Variants in PDIA4 observed in about 807,000 individuals in gnomAD.
The protein encoded by PDIA4 is protein disulfide isomerase family A member 4.
PDIA4 carries 33 observed loss-of-function variants against 62.1 expected under a neutral mutation model. That is an observed-to-expected ratio of 0.53 (90% CI 0.40 to 0.71). The LOEUF (loss-of-function observed/expected upper bound fraction) is 0.71, where lower values mean the gene tolerates loss of function less well. PDIA4 is among the 30% of genes least tolerant of loss of function. The pLI, the probability that PDIA4 is intolerant of heterozygous loss-of-function variation, is 0.00. For synonymous variants in PDIA4, 341 were observed against 324.1 expected (o/e 1.05, Z -0.56); for missense variants, 804 against 813.6 (o/e 0.99, Z 0.14).
At chr7:149,021,340 T>C (rs1824345182) in intron 1 of PDIA4, among the ~76,000 whole-genome samples, 193 bp from the exon 2 acceptor site, 1 of 151,706 alleles carries the variant, frequency 6.6e-6, no homozygotes, top group Non-Finnish European at 1.5e-5. Context: ...AATACAAAAA[T>C]TAGCCGGGCA....
chr7:149,003,812 C>A lies in PDIA4; in HGVS notation c.1920G>T (p.Arg640Ser). ...CAGGCCTTCAAAGCTCTTCCTTGGTCCTGCTCAGTTTTGTGGCATGTTCTT... is the reference window on the plus strand; with the variant it reads ...CAGGCCTTCAAAGCTCTTCCTTGGTACTGCTCAGTTTTGTGGCATGTTCTT... ...FIEEHATKLS[R>S]TKEEL Residue 640 changes from arginine to serine, a missense_variant, in exon 10 of 10, where the codon AGG becomes AGT. Coordinates refer to ENST00000652332, the MANE Select transcript of PDIA4 (RefSeq NM_004911.5). 2 of 1,566,464 alleles carry A rather than the reference C, an allele frequency of 1.3e-6. No individual in the cohort carries two copies. Among genetic ancestry groups the A allele is most frequent in the South Asian group, 1.2e-5 (1 of 81,736 alleles).
intron 2 of PDIA4, 127 bp from the exon 3 acceptor site, chr7:149,019,324 A>G (rs1272600247): frequency 1.4e-6 from 1 of 702,046 alleles, no homozygotes; most frequent in Non-Finnish European, 2.5e-6. Context: ...TCTGATCCCC[A>G]GTGTGGCAGT....
At position 149,011,830 on chromosome 7, in the gene PDIA4, G is replaced by A; in HGVS notation, c.979+16C>T. ...AGGCACGCACATTTTGTTCAGCCCA[G>A]AGGGCCACAACTCACCGGCATCCTG... is the stretch of plus-strand genomic sequence containing the variant. On this transcript the variant is annotated intron_variant, in intron 6 of 9. Coordinates refer to ENST00000652332, the MANE Select transcript of PDIA4 (RefSeq NM_004911.5). The A allele has an allele frequency of 6.5e-7, 1 of 1,544,622 alleles. No individual in the cohort carries two copies. The highest frequency in any genetic ancestry group is 2.3e-5 in the East Asian group (1 of 44,260).
intron 1 of PDIA4, among the ~76,000 whole-genome samples, chr7:149,025,877 G>A (rs1824533037): frequency 6.6e-6 from 1 of 152,114 alleles, no homozygotes; most frequent in African/African-American, 2.4e-5. Flanking sequence ...CATAAAAGCA[G>A]GCAACAAACA....
Position 149,019,113 on chromosome 7 carries a change from G to A in PDIA4, c.354C>T (p.Ala118=), listed in dbSNP as rs1334088076. Residue 118 remains alanine, a synonymous_variant, in exon 3 of 10, where the codon GCC becomes GCT. Coordinates refer to ENST00000652332, the MANE Select transcript of PDIA4 (RefSeq NM_004911.5). The stretch of plus-strand genomic sequence containing the variant: ...CAGACGCTGAGGTTGCATCGATCTT[G>A]GCAACAGGAATGGGAGGATCTTTAT... ...LKDKDPPIPV[A]KIDATSASVL... is the part of the protein sequence containing the mutation. 4.3e-6 allele frequency: 7 copies of A among 1,613,500 alleles called. No individual in the cohort carries two copies. In the African/African-American group the frequency reaches 8.0e-5, roughly 18 times the overall value.
chr7:149,021,139 T>A lies in PDIA4; in HGVS notation c.97A>T (p.Asn33Tyr). ...GAEGPDEDSS[N>Y]RENAIEDEEE... is the part of the protein sequence containing the mutation. The stretch of plus-strand genomic sequence containing the variant: ...TCATCCTCAATGGCATTTTCTCTGT[T>A]AGAAGAATCTGAGTGGAAAACACCC... Residue 33 changes from asparagine to tyrosine, a missense_variant, in exon 2 of 10, where the codon AAC becomes TAC. Asn to Tyr is a moderately radical substitution (Grantham distance 143). Transcript: ENST00000652332. 6.3e-7 allele frequency: 1 copy of A among 1,585,660 alleles called. No individual in the cohort carries two copies. Among genetic ancestry groups the A allele is most frequent in the Non-Finnish European group, 8.6e-7 (1 of 1,165,056 alleles).
rs749286336 is a variant in PDIA4 at position 149,008,165 on chromosome 7, G to A, written c.1125C>T (p.Asp375=). 10 of 1,613,396 alleles carry A rather than the reference G, an allele frequency of 6.2e-6. No homozygotes were observed. Among genetic ancestry groups the A allele is most frequent in the Middle Eastern group, 1.6e-4 (1 of 6,076 alleles). ...GGCAGAGGGGCCCGCTTACCTGGACGTCCATCATGTGGCTCCGGGGCTCAT... is the reference window on the plus strand; with the variant it reads ...GGCAGAGGGGCCCGCTTACCTGGACATCCATCATGTGGCTCCGGGGCTCAT... ...SKYEPRSHMM[D]VQGSTQDSAI... is the part of the protein sequence containing the mutation. The change falls in exon 7 of 10, where the codon GAC becomes GAT. Residue 375 remains aspartate, a synonymous_variant. Coordinates refer to ENST00000652332, the MANE Select transcript of PDIA4 (RefSeq NM_004911.5).
intron 1 of PDIA4, chr7:149,027,742 G>A (rs1824607058): frequency 4.8e-6 from 2 of 415,106 alleles, no homozygotes; most frequent in East Asian, 7.1e-5. Context: ...CTGGCACACA[G>A]TAAATGCTAA....
rs138974987 is a variant in PDIA4 at position 149,011,949 on chromosome 7, G to C, written c.876C>G (p.Thr292=). Residue 292 remains threonine (T), a synonymous_variant, in exon 6 of 10, where the codon ACC becomes ACG. Transcript: ENST00000652332. ...QSGPPSKEIL[T]LKQVQEFLKD... Reference sequence around the variant, plus strand: ...TCAGGAACTCCTGGACCTGCTTCAGGGTCAGAATCTCCTTGGAGGGAGGCC... The same window carrying C: ...TCAGGAACTCCTGGACCTGCTTCAGCGTCAGAATCTCCTTGGAGGGAGGCC... 1.2e-6 allele frequency: 2 copies of C among 1,609,840 alleles called. No homozygotes were observed. Among genetic ancestry groups the C allele is most frequent in the African/African-American group, 2.7e-5 (2 of 74,766 alleles).
chr7:149,016,937 A>G (rs1294989913), intron 3 of PDIA4, among the ~76,000 whole-genome samples: 1 of 152,212 alleles, frequency 6.6e-6, no homozygotes, highest in Non-Finnish European at 1.5e-5. Flanking sequence ...GTGACACTAA[A>G]TATCAACGGA....
At chr7:149,017,201 G>C (rs570045977) in intron 3 of PDIA4, among the ~76,000 whole-genome samples, 2 of 151,392 alleles carry the variant, frequency 1.3e-5, no homozygotes, top group African/African-American at 4.9e-5. Context: ...AAATGCAGCC[G>C]CATCTTTTTT....
chr7:149,012,014 G>C lies in PDIA4; in HGVS notation c.821-10C>G. 5 of 1,592,514 alleles carry C rather than the reference G, an allele frequency of 3.1e-6. No individual in the cohort carries two copies. Among genetic ancestry groups the C allele is most frequent in the Non-Finnish European group, 3.4e-6 (4 of 1,167,792 alleles). On this transcript the variant is annotated splice_polypyrimidine_tract_variant and intron_variant, in intron 5 of 9. Coordinates refer to ENST00000652332, the MANE Select transcript of PDIA4 (RefSeq NM_004911.5). ...ATGTAATCAACGATTCCTGGGAGCA[G>C]GGCACACGCCTGAGCAGGGGCACTA...
chr7:149,020,971 G>T lies in PDIA4; in HGVS notation c.265C>A (p.Pro89Thr). The T allele has an allele frequency of 6.2e-7, 1 of 1,614,018 alleles. No individual in the cohort carries two copies. Among genetic ancestry groups the T allele is most frequent in the Middle Eastern group, 1.7e-4 (1 of 6,060 alleles). ...KDTVLLEFYA[P>T]WCGHCKQFAP... The stretch of plus-strand genomic sequence containing the variant: ...AAATTAGAACGCGGTCCTTACCATG[G>T]AGCATAAAACTCCAGCAGCACTGTG... The change falls in exon 2 of 10, where the codon CCA becomes ACA. Residue 89 changes from proline (P) to threonine (T), a missense_variant. Pro to Thr is a conservative substitution (Grantham distance 38, BLOSUM62 -1). Transcript: ENST00000652332.
intron 4 of PDIA4, among the ~76,000 whole-genome samples, chr7:149,013,780 T>C (rs1218948879): frequency 2.0e-5 from 3 of 152,158 alleles, no homozygotes; most frequent in Admixed American, 2.0e-4. Context: ...GATAATTATC[T>C]TCTGAGGCAT....
intron 8 of PDIA4, 44 bp downstream of exon 8, chr7:149,005,853 C>A: frequency 7.0e-7 from 1 of 1,420,636 alleles, no homozygotes; most frequent in Non-Finnish European, 9.2e-7. Flanking sequence ...AAGAACGAGT[C>A]CCCCCACCCC....
chr7:149,003,652 G>GA lies in PDIA4; in HGVS notation c.*141dup. Reference sequence around the variant, plus strand: ...TTATTCAGTATTCAGAGCATGAAGTGAAACACCAAAGTATAAAAAATTAAA... The same window carrying GA: ...TTATTCAGTATTCAGAGCATGAAGTGAAAACACCAAAGTATAAAAAATTAAA... On this transcript the variant is annotated 3_prime_UTR_variant, in exon 10 of 10. Transcript: ENST00000652332. The GA allele has an allele frequency of 1.8e-6, 1 of 560,050 alleles. No individual in the cohort carries two copies. Among genetic ancestry groups the GA allele is most frequent in the East Asian group, 3.1e-5 (1 of 32,008 alleles). The allele number at this position is 560,050 out of a possible 1,614,324, so 34.7% of individuals were successfully genotyped here. A position where few individuals can be genotyped will look rare whatever the true frequency, so the allele number is the denominator to read the frequency against.
chr7:149,019,826 T>A (rs1380975262), intron 2 of PDIA4, among the ~76,000 whole-genome samples: 2 of 152,202 alleles, frequency 1.3e-5, no homozygotes, highest in Non-Finnish European at 2.9e-5. Flanking sequence ...AATTTTTTTT[T>A]AATTTCTCAG....
At chr7:149,007,143 G>C (rs1411453085) in intron 7 of PDIA4, among the ~76,000 whole-genome samples, 1 of 152,102 alleles carries the variant, frequency 6.6e-6, no homozygotes, top group Non-Finnish European at 1.5e-5. Flanking sequence ...TGAGCTTCAA[G>C]TTGGCAGAGA....
chr7:149,027,633 A>T (rs536568056), intron 1 of PDIA4, among the ~76,000 whole-genome samples: 1 of 151,340 alleles, frequency 6.6e-6, no homozygotes, highest in South Asian at 2.1e-4. Flanking sequence ...AGAAAAATGC[A>T]GGGACCATGA....
Sources: allele counts gnomAD v4.1 joint callset (sites outside exome capture counted in the v4.1 genomes callset), GRCh38; gene constraint gnomAD v4.1.1; transcripts MANE v1.5; gene names NCBI Gene and HGNC (gene_info 2026-07-23, HGNC 2026-07-21).